ANO10: variants seen among roughly 807,000 people sequenced by gnomAD.
The protein encoded by ANO10 is anoctamin 10.
ANO10 carries 77 observed loss-of-function variants against 74.7 expected under a neutral mutation model. That is an observed-to-expected ratio of 1.03 (90% CI 0.86 to 1.25). ANO10 has a LOEUF of 1.25. Ranked by LOEUF, ANO10 falls within the 50% of genes most tolerant of loss-of-function variation. The pLI, the probability that ANO10 is intolerant of heterozygous loss-of-function variation, is 0.00. For synonymous variants in ANO10, 279 were observed against 284.9 expected (o/e 0.98, Z 0.21); for missense variants, 721 against 778.1 (o/e 0.93, Z 0.87).
intron 1 of ANO10, among the ~76,000 whole-genome samples, chr3:43,674,257 A>G (rs1403697744): frequency 6.6e-6 from 1 of 152,182 alleles, no homozygotes; most frequent in Non-Finnish European, 1.5e-5. Context: ...TTCCCTCCTT[A>G]TCCTCCAGAG....
At chr3:43,486,634 GA>G (rs1479967831) in intron 11 of ANO10, among the ~76,000 whole-genome samples, 2 of 142,828 alleles carry the variant, frequency 1.4e-5, no homozygotes, top group African/African-American at 2.6e-5. Context: ...GAATGCTTGT[GA>G]TTTTTGTACA....
chr3:43,621,426 G>A (rs535103068), intron 1 of ANO10, among the ~76,000 whole-genome samples: 1 of 152,038 alleles, frequency 6.6e-6, no homozygotes, highest in Non-Finnish European at 1.5e-5. Context: ...AGACAGCCTA[G>A]TCCGCCCTGA....
rs552884541 is a variant in ANO10 at position 43,668,594 on chromosome 3, G to A, written c.-12+22923C>T. 8.5e-5 allele frequency among the ~76,000 whole-genome samples: 13 copies of A among 152,054 alleles called. No homozygotes were observed. In the East Asian group the frequency reaches 2.5e-3, roughly 29 times the overall value. On this transcript the variant is annotated intron_variant, in intron 1 of 3. Coordinates refer to the ANO10 transcript ENST00000413397. ...TTAAGTCTTTGATCCATCTTGAGTT[G>A]ATTTTTGTATACGGTAATAGATGGG...
chr3:43,605,429 C>T (rs995303268), intron 2 of ANO10, among the ~76,000 whole-genome samples: 2 of 152,130 alleles, frequency 1.3e-5, no homozygotes, highest in Non-Finnish European at 2.9e-5. Context: ...ACCTACTATG[C>T]ACCAAACAGT....
At chr3:43,481,628 T>C (rs2076272024) in intron 11 of ANO10, among the ~76,000 whole-genome samples, 1 of 152,140 alleles carries the variant, frequency 6.6e-6, no homozygotes, top group South Asian at 2.1e-4. Context: ...ACATTTACAA[T>C]CTATTATTTC....
chr3:43,491,417 G>A (rs536289616), intron 11 of ANO10, among the ~76,000 whole-genome samples: 10 of 152,268 alleles, frequency 6.6e-5, no homozygotes, highest in Non-Finnish European at 1.2e-4. Context: ...AGGAGGCTGC[G>A]GCACGAGAAT....
intron 1 of ANO10, among the ~76,000 whole-genome samples, chr3:43,672,796 TTAAAG>T: frequency 6.6e-6 from 1 of 152,286 alleles, no homozygotes; most frequent in East Asian, 1.9e-4. Context: ...CTACATTGAT[TTAAAG>T]TAGACAGTGG....
intron 1 of ANO10, among the ~76,000 whole-genome samples, chr3:43,672,795 T>G (rs1483061988): frequency 6.6e-6 from 1 of 152,180 alleles, no homozygotes; most frequent in Non-Finnish European, 1.5e-5. Context: ...CCTACATTGA[T>G]TTAAAGTAGA....
At chr3:43,482,082 C>T (rs534646412) in intron 11 of ANO10, among the ~76,000 whole-genome samples, 1 of 151,900 alleles carries the variant, frequency 6.6e-6, no homozygotes, top group South Asian at 2.1e-4. Context: ...GTGCGTGCCA[C>T]CACCCCCAGC....
chr3:43,666,646 A>G (rs2083996060), intron 1 of ANO10, among the ~76,000 whole-genome samples: 1 of 152,126 alleles, frequency 6.6e-6, no homozygotes, highest in African/African-American at 2.4e-5. Context: ...TCCTGCTTCT[A>G]TAGTAAAATA....
chr3:43,548,020 T>C (rs1340293177), intron 11 of ANO10, among the ~76,000 whole-genome samples: 1 of 152,182 alleles, frequency 6.6e-6, no homozygotes, highest in Non-Finnish European at 1.5e-5. Context: ...TTCAGGATAT[T>C]ACACCACTCC....
chr3:43,502,131 C>T (rs2077122701), intron 11 of ANO10, among the ~76,000 whole-genome samples: 1 of 152,134 alleles, frequency 6.6e-6, no homozygotes, highest in African/African-American at 2.4e-5. Flanking sequence ...AATAGAATTA[C>T]CATATGATCC....
chr3:43,578,286 A>T (rs1306237584), intron 5 of ANO10, among the ~76,000 whole-genome samples: 2 of 152,152 alleles, frequency 1.3e-5, no homozygotes, highest in Non-Finnish European at 1.5e-5. Context: ...GATGCTCATG[A>T]CACTTGGCTC....
At chr3:43,675,066 C>G (rs1177284914) in intron 1 of ANO10, among the ~76,000 whole-genome samples, 1 of 152,152 alleles carries the variant, frequency 6.6e-6, no homozygotes, top group Non-Finnish European at 1.5e-5. Flanking sequence ...TTTTACACAT[C>G]TCACATACTA....
intron 7 of ANO10, 31 bp from the exon 8 acceptor site, chr3:43,565,758 G>C (rs967614539): frequency 1.3e-6 from 2 of 1,488,394 alleles, no homozygotes; most frequent in Non-Finnish European, 1.8e-6. Flanking sequence ...AAAGATAAGT[G>C]TTAAGCACTG....
Position 43,432,745 on chromosome 3 carries a change from T to C in ANO10, c.1798-18A>G, listed in dbSNP as rs1396516863. On this transcript the variant is annotated intron_variant, in intron 11 of 12. Transcript: ENST00000292246. ...AGTGCGTGCTGAAAACAAGAAAGAGTACATGTTGATGTGATACATCAGACC... is the reference window on the plus strand; with the variant it reads ...AGTGCGTGCTGAAAACAAGAAAGAGCACATGTTGATGTGATACATCAGACC... The C allele has an allele frequency of 2.0e-6, 3 of 1,505,826 alleles. No homozygotes were observed. Among genetic ancestry groups the C allele is most frequent in the East Asian group, 4.5e-5 (2 of 44,262 alleles). 93.3% of individuals were successfully genotyped at this position (1,505,826 alleles called of 1,614,324 possible).
intron 11 of ANO10, among the ~76,000 whole-genome samples, chr3:43,545,652 C>T (rs1011266030): frequency 2.6e-5 from 4 of 152,182 alleles, no homozygotes; most frequent in African/African-American, 9.7e-5. Flanking sequence ...AGGCATGAGC[C>T]ACCGTGCCCG....
chr3:43,538,605 G>C (rs1012496532), intron 11 of ANO10, among the ~76,000 whole-genome samples: 1 of 152,140 alleles, frequency 6.6e-6, no homozygotes, highest in Non-Finnish European at 1.5e-5. Context: ...CTAACCCACA[G>C]GACTGAAGAA....
intron 1 of ANO10, among the ~76,000 whole-genome samples, chr3:43,642,104 C>A (rs1319265642): frequency 6.6e-6 from 1 of 152,148 alleles, no homozygotes; most frequent in African/African-American, 2.4e-5. Context: ...TTAATTGACA[C>A]AAGGGTATCA....
Sources: gnomAD v4.1 joint callset for allele counts (sites outside exome capture counted in the v4.1 genomes callset) on GRCh38, gnomAD v4.1.1 for gene constraint, MANE v1.5 for transcripts, NCBI Gene and HGNC (gene_info 2026-07-23, HGNC 2026-07-21) for gene names.